PHACTR3: variants seen among roughly 807,000 people sequenced by gnomAD.
PHACTR3 encodes the protein phosphatase and actin regulator 3.
A neutral mutation model predicts 66.8 loss-of-function variants in PHACTR3; 16 were observed. The ratio of observed to expected loss-of-function variants is 0.24; its 90% CI spans 0.16 to 0.36. The LOEUF (loss-of-function observed/expected upper bound fraction) is 0.36. Ranked by LOEUF, PHACTR3 falls within the 10% of genes least tolerant of loss-of-function variation. The probability of loss-of-function intolerance (pLI) is 1.00; values close to 1 mark genes in which losing one functional copy is unlikely to be tolerated. For missense variants in PHACTR3, 647 were observed against 719.9 expected, an observed-to-expected ratio of 0.90 and a Z score of 1.16; for synonymous variants, 323 against 292.1, an observed-to-expected ratio of 1.11 and a Z score of -1.08.
chr20:59,818,916 CTCA>C (rs766486816), intron 8 of PHACTR3, among the ~76,000 whole-genome samples: 5 of 152,114 alleles, frequency 3.3e-5, no homozygotes, highest in South Asian at 4.1e-4. Flanking sequence ...CATTTTTATC[CTCA>C]TCATCATTTT....
At chr20:59,711,832 G>T (rs1243671261) in intron 1 of PHACTR3, among the ~76,000 whole-genome samples, 1 of 152,128 alleles carries the variant, frequency 6.6e-6, no homozygotes, top group African/African-American at 2.4e-5. Flanking sequence ...GGGGTAACTT[G>T]TAGAGTTTAA....
chr20:59,767,138 C>T (rs770735104), intron 4 of PHACTR3, 48 bp from the exon 5 acceptor site: 3 of 1,581,204 alleles, frequency 1.9e-6, no homozygotes, highest in Non-Finnish European at 2.6e-6. Context: ...ACTTCCACTG[C>T]TGTCAGAGGA....
chr20:59,699,234 T>A (rs952525148), intron 1 of PHACTR3, among the ~76,000 whole-genome samples: 1 of 152,234 alleles, frequency 6.6e-6, no homozygotes, highest in Non-Finnish European at 1.5e-5. Flanking sequence ...ACAGCTATGC[T>A]TCCTTTCTTG....
chr20:59,709,976 C>T (rs1972928826), intron 1 of PHACTR3, among the ~76,000 whole-genome samples: 1 of 152,058 alleles, frequency 6.6e-6, no homozygotes, highest in Admixed American at 6.6e-5. Context: ...TCATCTGGTC[C>T]TTTTGCAGAA....
At chr20:59,673,464 C>T (rs1319116393) in intron 1 of PHACTR3, among the ~76,000 whole-genome samples, 1 of 152,220 alleles carries the variant, frequency 6.6e-6, no homozygotes, top group South Asian at 2.1e-4. Flanking sequence ...CCCAGGTCAG[C>T]AGCACGACAA....
chr20:59,762,509 A>T (rs185501540), intron 4 of PHACTR3, among the ~76,000 whole-genome samples: 1 of 152,352 alleles, frequency 6.6e-6, no homozygotes. Context: ...CATATGGACA[A>T]GGAAGAAATG....
intron 7 of PHACTR3, among the ~76,000 whole-genome samples, chr20:59,776,851 C>T (rs543543062): frequency 1.8e-4 from 27 of 152,290 alleles, no homozygotes; most frequent in South Asian, 1.0e-3. Context: ...CTGTCCCTCC[C>T]GCCCAGTGCC....
chr20:59,610,359 G>A lies in PHACTR3; in HGVS notation c.118+5227G>A, dbSNP rs116942724. The stretch of plus-strand genomic sequence containing the variant: ...CTTTAGGATCTGCCAGGTACCTGGC[G>A]AAGCTGTCAGCATTGGAACAACAGA... On this transcript the variant is annotated intron_variant, in intron 1 of 12. Coordinates refer to ENST00000371015, the MANE Select transcript of PHACTR3 (RefSeq NM_080672.5). 7.0e-3 allele frequency among the ~76,000 whole-genome samples: 1,065 copies of A among 152,290 alleles called. 6 individuals carry two copies. The highest frequency in any genetic ancestry group is 0.011 in the Non-Finnish European group (767 of 68,016).
At chr20:59,730,369 G>A (rs75874662) in intron 1 of PHACTR3, among the ~76,000 whole-genome samples, 1,790 of 152,262 alleles carry the variant, frequency 0.012, 38 homozygotes, top group African/African-American at 0.04. Flanking sequence ...CTTAATGAGC[G>A]AGGAGGGCCA....
At chr20:59,712,678 T>A (rs1308001319) in intron 1 of PHACTR3, among the ~76,000 whole-genome samples, 1 of 152,244 alleles carries the variant, frequency 6.6e-6, no homozygotes, top group Admixed American at 6.5e-5. Context: ...TTATGTTGAT[T>A]GTGCAATTTC....
Position 59,793,586 on chromosome 20 carries a change from A to G in PHACTR3, c.1175-12455A>G, listed in dbSNP as rs180786625. Among the ~76,000 whole-genome samples, 649 of 152,192 alleles carry G rather than the reference A, an allele frequency of 4.3e-3. 3 individuals carry two copies. Among genetic ancestry groups the G allele is most frequent in the African/African-American group, 0.015 (608 of 41,514 alleles). ...TGATTTCTTTTTCAGATAGTTTGCT[A>G]TTGCTGTACAGAAACAGTAGGGATT... On this transcript the variant is annotated intron_variant, in intron 7 of 12. Transcript: ENST00000371015.
intron 1 of PHACTR3, among the ~76,000 whole-genome samples, chr20:59,614,708 G>A (rs1370559176): frequency 6.6e-6 from 1 of 152,092 alleles, no homozygotes; most frequent in East Asian, 1.9e-4. Context: ...TATTGTTATG[G>A]CATTACTTTT....
At chr20:59,798,923 C>G (rs1423000326) in intron 7 of PHACTR3, among the ~76,000 whole-genome samples, 1 of 151,916 alleles carries the variant, frequency 6.6e-6, no homozygotes, top group Non-Finnish European at 1.5e-5. Context: ...GACCTTTCTT[C>G]TTTTTTAATA....
At chr20:59,768,744 T>C (rs1252134279) in intron 5 of PHACTR3, among the ~76,000 whole-genome samples, 1 of 152,246 alleles carries the variant, frequency 6.6e-6, no homozygotes, top group Non-Finnish European at 1.5e-5. Flanking sequence ...GAATGTTCAA[T>C]CTGGAGGGGA....
At chr20:59,672,660 G>A (rs1470199749) in intron 1 of PHACTR3, among the ~76,000 whole-genome samples, 4 of 152,224 alleles carry the variant, frequency 2.6e-5, no homozygotes, top group Non-Finnish European at 5.9e-5. Context: ...TGCGTGAGCA[G>A]CGCCATCCTG....
chr20:59,801,886 C>T (rs1231020964), intron 7 of PHACTR3, among the ~76,000 whole-genome samples: 1 of 152,230 alleles, frequency 6.6e-6, no homozygotes. Flanking sequence ...ACCTTTCCTT[C>T]CCTCACCTGA....
At chr20:59,590,661 C>T (rs2033155529) in intron 1 of PHACTR3, among the ~76,000 whole-genome samples, 1 of 152,198 alleles carries the variant, frequency 6.6e-6, no homozygotes, top group Non-Finnish European at 1.5e-5. Flanking sequence ...CTGTCTTAGA[C>T]TTTTTGGGCT....
rs1173457540 is a variant in PHACTR3, at chr20:59,710,276, C to G, written c.119-32831C>G. Among the ~76,000 whole-genome samples the G allele has an allele frequency of 2.6e-5, 4 of 152,292 alleles. No homozygotes were observed. In the East Asian group the frequency reaches 7.7e-4, roughly 29 times the overall value. On this transcript the variant is annotated intron_variant, in intron 1 of 12. Coordinates refer to ENST00000371015, the MANE Select transcript of PHACTR3 (RefSeq NM_080672.5). ...TGTGGCCTCATTTACTCATCCCATTCTCCTGCTTTTTATCCCACACCAGGA... is the reference window on the plus strand; with the variant it reads ...TGTGGCCTCATTTACTCATCCCATTGTCCTGCTTTTTATCCCACACCAGGA...
At chr20:59,811,187 G>C (rs1414936970) in intron 8 of PHACTR3, among the ~76,000 whole-genome samples, 2 of 152,348 alleles carry the variant, frequency 1.3e-5, no homozygotes, top group East Asian at 3.9e-4. Context: ...ATTTGTTAGA[G>C]CCCTAGCCCT....
Sources: allele counts gnomAD v4.1 joint callset (sites outside exome capture counted in the v4.1 genomes callset), GRCh38; gene constraint gnomAD v4.1.1; transcripts MANE v1.5; gene names NCBI Gene and HGNC (gene_info 2026-07-23, HGNC 2026-07-21).